PTPRN2: variants seen among roughly 807,000 people sequenced by gnomAD.
PTPRN2 encodes protein tyrosine phosphatase receptor type N2, also known as receptor-type tyrosine-protein phosphatase N2.
Under a neutral mutation model 118.8 loss-of-function variants are expected in PTPRN2, and 74 were observed. That is an observed-to-expected ratio of 0.62 (90% confidence interval 0.52 to 0.76). PTPRN2 has a LOEUF of 0.76. Among genes scored for constraint, PTPRN2 ranks in the 30% least tolerant of loss-of-function variants. PTPRN2 has a pLI of 0.00. For synonymous variants in PTPRN2, 641 were observed against 608.0 expected, an observed-to-expected ratio of 1.05 and a Z score of -0.80; for missense variants, 1,481 against 1,394.4, an observed-to-expected ratio of 1.06 and a Z score of -0.99.
intron 4 of PTPRN2, among the ~76,000 whole-genome samples, chr7:158,201,382 C>T (rs1175393738): frequency 6.6e-6 from 1 of 151,976 alleles, no homozygotes; most frequent in Non-Finnish European, 1.5e-5. Context: ...TTTATTTGAC[C>T]CTATATATCG....
intron 12 of PTPRN2, among the ~76,000 whole-genome samples, chr7:157,754,290 A>G (rs60212028): frequency 0.033 from 4,974 of 152,324 alleles, 188 homozygotes; most frequent in East Asian, 0.11. Context: ...CCGTCAGGAC[A>G]CTGAGCCACG....
chr7:157,619,395 T>C lies in PTPRN2; in HGVS notation c.2344+1967A>G, dbSNP rs1397803591. Among the ~76,000 whole-genome samples, 3 of 152,018 alleles carry C rather than the reference T, an allele frequency of 2.0e-5. No homozygotes were observed. The highest frequency in any genetic ancestry group is 7.2e-5 in the African/African-American group (3 of 41,400). ...ATACCCGCTCACCACCACCCTCACT[T>C]GTCCTACCACACCGGCTTCACTCCC... On this transcript the variant is annotated intron_variant, in intron 15 of 22. Coordinates refer to ENST00000389418, the MANE Select transcript of PTPRN2 (RefSeq NM_002847.5). This position sits in a 1 kb window ranked among gnomAD's most constrained non-coding sequence, Gnocchi z 5.3.
At chr7:158,038,293 G>T (rs910479558) in intron 11 of PTPRN2, among the ~76,000 whole-genome samples, 3 of 152,196 alleles carry the variant, frequency 2.0e-5, no homozygotes, top group Non-Finnish European at 4.4e-5. Flanking sequence ...GACATACACT[G>T]CAGGAGAAAG....
Position 157,585,448 on chromosome 7 carries a change from C to A in PTPRN2, c.2497-7308G>T, listed in dbSNP as rs576568860. ...GTGTGGCTTGGTGTGGCCATCCTGC[C>A]GCATAGGGGTTCCCACGGTGGGAAT... On this transcript the variant is annotated intron_variant, in intron 17 of 22. Coordinates refer to ENST00000389418, the MANE Select transcript of PTPRN2 (RefSeq NM_002847.5). This position sits in a 1 kb window ranked among gnomAD's most constrained non-coding sequence, Gnocchi z 5.2. 2.0e-5 allele frequency among the ~76,000 whole-genome samples: 3 copies of A among 152,178 alleles called. No individual in the cohort carries two copies. Among genetic ancestry groups the A allele is most frequent in the Non-Finnish European group, 4.4e-5 (3 of 68,026 alleles).
chr7:157,876,037 C>G (rs1795744877), intron 12 of PTPRN2, among the ~76,000 whole-genome samples: 1 of 152,216 alleles, frequency 6.6e-6, no homozygotes, highest in Non-Finnish European at 1.5e-5. Flanking sequence ...CTGCAGTGGC[C>G]TAGAGGTGTT....
At chr7:157,913,604 T>C (rs922990968) in intron 11 of PTPRN2, among the ~76,000 whole-genome samples, 2 of 152,276 alleles carry the variant, frequency 1.3e-5, no homozygotes, top group Admixed American at 6.5e-5. Context: ...TGAATGAATG[T>C]TAATATTTAG....
intron 3 of PTPRN2, among the ~76,000 whole-genome samples, chr7:158,232,477 C>T (rs986762040): frequency 6.6e-6 from 1 of 151,982 alleles, no homozygotes; most frequent in African/African-American, 2.4e-5. Flanking sequence ...CAAAGAAAAG[C>T]CCAGGACCTG....
intron 11 of PTPRN2, among the ~76,000 whole-genome samples, chr7:158,077,684 G>A (rs1812484576): frequency 6.6e-6 from 1 of 152,150 alleles, no homozygotes; most frequent in Non-Finnish European, 1.5e-5. Context: ...GGGGATTCCT[G>A]GCAATAAGCT....
intron 2 of PTPRN2, among the ~76,000 whole-genome samples, chr7:158,337,360 C>CA (rs1805828793): frequency 1.7e-5 from 1 of 60,208 alleles, no homozygotes; most frequent in African/African-American, 5.5e-5. Flanking sequence ...CTGCAGACGT[C>CA]CCTCACACCC....
chr7:157,835,176 G>T (rs1427928780), intron 12 of PTPRN2, among the ~76,000 whole-genome samples: 1 of 152,168 alleles, frequency 6.6e-6, no homozygotes, highest in Non-Finnish European at 1.5e-5. Context: ...GACCTTCCAG[G>T]AGGATTTCCT....
intron 3 of PTPRN2, among the ~76,000 whole-genome samples, chr7:158,292,116 C>A (rs1800162686): frequency 6.6e-6 from 1 of 152,228 alleles, no homozygotes; most frequent in Non-Finnish European, 1.5e-5. Flanking sequence ...CTCTCCCCAC[C>A]TTCCTGCTTC....
At chr7:158,053,648 C>T (rs1809498520) in intron 11 of PTPRN2, among the ~76,000 whole-genome samples, 1 of 152,152 alleles carries the variant, frequency 6.6e-6, no homozygotes, top group Non-Finnish European at 1.5e-5. Context: ...AGGCATTTGC[C>T]CGAAGCTGCT....
intron 2 of PTPRN2, among the ~76,000 whole-genome samples, chr7:158,343,579 C>T (rs73748217): frequency 5.4e-4 from 81 of 149,370 alleles, no homozygotes; most frequent in African/African-American, 2.0e-3. Flanking sequence ...GCAGGGCTCG[C>T]GCAGAGGCTC....
intron 12 of PTPRN2, among the ~76,000 whole-genome samples, chr7:157,796,190 A>C (rs1461241814): frequency 2.0e-5 from 3 of 152,264 alleles, no homozygotes; most frequent in African/African-American, 7.2e-5. Context: ...CACAGGCATG[A>C]AAGATCGGCC....
chr7:158,311,814 T>G (rs1325473763), intron 3 of PTPRN2, among the ~76,000 whole-genome samples: 1 of 152,116 alleles, frequency 6.6e-6, no homozygotes, highest in Non-Finnish European at 1.5e-5. Flanking sequence ...TGCTCACGTG[T>G]AGACACCCAC....
intron 12 of PTPRN2, among the ~76,000 whole-genome samples, chr7:157,692,946 G>A (rs952285745): frequency 6.6e-6 from 1 of 152,100 alleles, no homozygotes; most frequent in South Asian, 2.1e-4. Flanking sequence ...CGGGCAAAGA[G>A]TCGAGTGGTA....
chr7:157,650,137 T>C (rs1386664576), intron 14 of PTPRN2, among the ~76,000 whole-genome samples: 1 of 152,182 alleles, frequency 6.6e-6, no homozygotes, highest in Non-Finnish European at 1.5e-5. Flanking sequence ...CTCTCCTGGC[T>C]CTGCCTCTTG....
At chr7:157,726,763 G>A (rs760342022) in intron 12 of PTPRN2, among the ~76,000 whole-genome samples, 1 of 152,228 alleles carries the variant, frequency 6.6e-6, no homozygotes. Flanking sequence ...TGCAGTGGGG[G>A]ATTAATATCC....
At chr7:157,681,882 T>G (rs1585229134) in intron 13 of PTPRN2, among the ~76,000 whole-genome samples, 1 of 152,342 alleles carries the variant, frequency 6.6e-6, no homozygotes, top group South Asian at 2.1e-4. Context: ...TGAGGAAATC[T>G]TACACATGTA....
Sources: gnomAD v4.1 joint callset for allele counts (sites outside exome capture counted in the v4.1 genomes callset) on GRCh38, gnomAD v4.1.1 for gene constraint, Gnocchi (gnomAD v3.1) non-coding constraint, MANE v1.5 for transcripts, NCBI Gene and HGNC (gene_info 2026-07-23, HGNC 2026-07-21) for gene names.